Variants in CD28 observed in about 807,000 individuals in gnomAD.
CD28 encodes the protein CD28 molecule.
Under a neutral mutation model 21.4 loss-of-function variants are expected in CD28, and 8 were observed. The ratio of observed to expected loss-of-function variants is 0.37; its 90% CI spans 0.22 to 0.68. The LOEUF (loss-of-function observed/expected upper bound fraction) is 0.68, where lower values mean the gene tolerates loss of function less well. CD28 is among the 30% of genes least tolerant of loss of function. The probability of loss-of-function intolerance (pLI) is 0.55; values close to 1 mark genes in which losing one functional copy is unlikely to be tolerated. For synonymous variants in CD28, 106 were observed against 104.0 expected (o/e 1.02, Z -0.12); for missense variants, 239 against 272.2 (o/e 0.88, Z 0.86).
In CD28 at chr2:203,737,463, A is replaced by G. The variant is rs2106128650; in HGVS notation, c.*2551A>G. 6.6e-6 allele frequency: 1 copy of G among 151,846 alleles called. No homozygotes were observed. Among genetic ancestry groups the G allele is most frequent in the East Asian group, 2.1e-4 (1 of 4,844 alleles). 9.4% of individuals were successfully genotyped at this position (151,846 alleles called of 1,614,324 possible). ...TAAATGGAAAGACTTGATCTATGGT[A>G]ATAAATGATTTTGTTTTCTGACTGG... is the stretch of plus-strand genomic sequence containing the variant. On this transcript the variant is annotated 3_prime_UTR_variant, in exon 4 of 4. Coordinates refer to ENST00000324106, the MANE Select transcript of CD28 (RefSeq NM_006139.4).
chr2:203,714,089 A>G (rs1302204818), intron 1 of CD28, among the ~76,000 whole-genome samples: 1 of 152,134 alleles, frequency 6.6e-6, no homozygotes, highest in Non-Finnish European at 1.5e-5. Flanking sequence ...GGAAGAGAAG[A>G]GACTTATAGG....
At chr2:203,733,286 A>G (rs1186653795) in intron 3 of CD28, among the ~76,000 whole-genome samples, 2 of 152,190 alleles carry the variant, frequency 1.3e-5, no homozygotes, top group African/African-American at 4.8e-5. Context: ...GTGATGATCC[A>G]AAATGTTTTT....
At chr2:203,717,408 T>C (rs1693488139) in intron 1 of CD28, among the ~76,000 whole-genome samples, 1 of 152,214 alleles carries the variant, frequency 6.6e-6, no homozygotes, top group South Asian at 2.1e-4. Context: ...CTTCTGGTTC[T>C]GGTAACTTCG....
At chr2:203,719,251 T>TC (rs1266386726) in intron 1 of CD28, among the ~76,000 whole-genome samples, 11 of 152,060 alleles carry the variant, frequency 7.2e-5, no homozygotes, top group Non-Finnish European at 1.6e-4. Context: ...TCTCTTTTTT[T>TC]CCCCCCAATA....
At chr2:203,708,780 A>C (rs1693229637) in intron 1 of CD28, among the ~76,000 whole-genome samples, 1 of 152,240 alleles carries the variant, frequency 6.6e-6, no homozygotes, top group Non-Finnish European at 1.5e-5. Context: ...GGACACTTTT[A>C]CAGTCTTTTC....
chr2:203,718,191 G>C (rs2106113769), intron 1 of CD28, among the ~76,000 whole-genome samples: 1 of 152,236 alleles, frequency 6.6e-6, no homozygotes, highest in Non-Finnish European at 1.5e-5. Context: ...AGACTGTTGA[G>C]TCCCCCTTTC....
In CD28 at chr2:203,736,269, A is replaced by G. The variant is rs1182716713; in HGVS notation, c.*1357A>G. Reference sequence around the variant, plus strand: ...TTAGAGTATGAGGATGAGTCCCAAGAAGGTTCTTTGGAAGGAGGACGAATA... The same window carrying G: ...TTAGAGTATGAGGATGAGTCCCAAGGAGGTTCTTTGGAAGGAGGACGAATA... On this transcript the variant is annotated 3_prime_UTR_variant, in exon 4 of 4. Transcript: ENST00000324106. 6.6e-6 allele frequency: 1 copy of G among 152,634 alleles called. No individual in the cohort carries two copies. The highest frequency in any genetic ancestry group is 2.4e-5 in the African/African-American group (1 of 41,442). The allele number at this position is 152,634 out of a possible 1,614,324, so 9.5% of individuals were successfully genotyped here.
At position 203,735,790 on chromosome 2, in the gene CD28, CAGATCACTTG is replaced by C; in HGVS notation, c.*885_*894del. On this transcript the variant is annotated 3_prime_UTR_variant, in exon 4 of 4. Coordinates refer to ENST00000324106, the MANE Select transcript of CD28 (RefSeq NM_006139.4). ...CAGCACTTTGGGAGGCCGAGGTGGG[CAGATCACTTG>C]AGATCAGGACCAGCCTGGTCAAGAT... 6.6e-6 allele frequency: 1 copy of C among 152,258 alleles called. No individual in the cohort carries two copies. Among genetic ancestry groups the C allele is most frequent in the African/African-American group, 2.4e-5 (1 of 41,516 alleles). 9.4% of individuals were successfully genotyped at this position (152,258 alleles called of 1,614,324 possible). A position where few individuals can be genotyped will look rare whatever the true frequency, so the allele number is the denominator to read the frequency against.
chr2:203,709,051 C>T (rs566677018), intron 1 of CD28, among the ~76,000 whole-genome samples: 3 of 151,256 alleles, frequency 2.0e-5, no homozygotes, highest in South Asian at 2.1e-4. Context: ...AAACCCGGGA[C>T]GCGGAGGTTG....
chr2:203,723,819 G>A (rs1032759467), intron 1 of CD28, among the ~76,000 whole-genome samples: 2 of 152,144 alleles, frequency 1.3e-5, no homozygotes, highest in Non-Finnish European at 2.9e-5. Context: ...CAGTTGCTTT[G>A]GCAACAGTTT....
At chr2:203,714,991 A>G (rs1693427173) in intron 1 of CD28, among the ~76,000 whole-genome samples, 1 of 152,198 alleles carries the variant, frequency 6.6e-6, no homozygotes, top group African/African-American at 2.4e-5. Flanking sequence ...TCTGTATATG[A>G]CAAGGTGATC....
chr2:203,726,879 A>G lies in CD28; in HGVS notation c.299A>G (p.Gln100Arg). Residue 100 changes from glutamine (Q) to arginine (R), a missense_variant, in exon 2 of 4, where the codon CAG becomes CGG. Gln to Arg is a conservative substitution (Grantham distance 43). Coordinates refer to ENST00000324106, the MANE Select transcript of CD28 (RefSeq NM_006139.4). Reference protein sequence around the residue: ...LGNESVTFYLQNLYVNQTDIY... With the variant: ...LGNESVTFYLRNLYVNQTDIY... ...AATGAATCAGTGACATTCTACCTCC[A>G]GAATTTGTATGTTAACCAAACAGAT... 1 of 1,614,026 alleles carries G rather than the reference A, an allele frequency of 6.2e-7. No homozygotes were observed. Among genetic ancestry groups the G allele is most frequent in the South Asian group, 1.1e-5 (1 of 91,072 alleles).
intron 1 of CD28, among the ~76,000 whole-genome samples, chr2:203,713,243 G>A (rs1335483055): frequency 6.6e-6 from 1 of 152,188 alleles, no homozygotes; most frequent in Non-Finnish European, 1.5e-5. Context: ...TCATTTTGAA[G>A]TAATGGCCTG....
At chr2:203,733,650 G>T (rs967799113) in intron 3 of CD28, among the ~76,000 whole-genome samples, 3 of 152,122 alleles carry the variant, frequency 2.0e-5, no homozygotes, top group African/African-American at 7.2e-5. Context: ...TTGCAAAGGA[G>T]GCAGGGAAGG....
At chr2:203,732,752 G>A (rs952449519) in intron 3 of CD28, among the ~76,000 whole-genome samples, 5 of 152,160 alleles carry the variant, frequency 3.3e-5, no homozygotes, top group Non-Finnish European at 5.9e-5. Context: ...AATGCACATG[G>A]GTGCTGTAGG....
chr2:203,717,006 C>A (rs1693477983), intron 1 of CD28, among the ~76,000 whole-genome samples: 1 of 151,966 alleles, frequency 6.6e-6, no homozygotes, highest in Admixed American at 6.6e-5. Flanking sequence ...ACCCCCACAC[C>A]CAGCTAATTT....
chr2:203,733,263 A>G (rs1329461504), intron 3 of CD28, among the ~76,000 whole-genome samples: 1 of 152,180 alleles, frequency 6.6e-6, no homozygotes, highest in Non-Finnish European at 1.5e-5. Flanking sequence ...TGCCAGTAGC[A>G]TCCCTCCCCG....
rs1357755439 is a variant in CD28, at chr2:203,737,459, T to C, written c.*2547T>C. 1 of 151,854 alleles carries C rather than the reference T, an allele frequency of 6.6e-6. No homozygotes were observed. The highest frequency in any genetic ancestry group is 1.5e-5 in the Non-Finnish European group (1 of 68,022). 9.4% of individuals were successfully genotyped at this position (151,854 alleles called of 1,614,324 possible). On this transcript the variant is annotated 3_prime_UTR_variant, in exon 4 of 4. Transcript: ENST00000324106. ...TTTTTAAATGGAAAGACTTGATCTA[T>C]GGTAATAAATGATTTTGTTTTCTGA...
At chr2:203,708,980 G>A (rs1031353470) in intron 1 of CD28, among the ~76,000 whole-genome samples, 2 of 152,184 alleles carry the variant, frequency 1.3e-5, no homozygotes, top group Admixed American at 1.3e-4. Flanking sequence ...AAATTAGCAG[G>A]GTGTGGTGGC....
Sources: gnomAD v4.1 joint callset for allele counts (sites outside exome capture counted in the v4.1 genomes callset) on GRCh38, gnomAD v4.1.1 for gene constraint, MANE v1.5 for transcripts, NCBI Gene and HGNC (gene_info 2026-07-23, HGNC 2026-07-21) for gene names.